Variants in SEC31A observed in about 807,000 individuals in gnomAD.
The protein encoded by SEC31A is protein transport protein Sec31A.
SEC31A carries 70 observed loss-of-function variants against 151.0 expected under a neutral mutation model. That is an observed-to-expected ratio of 0.46 (90% CI 0.38 to 0.57). The LOEUF is 0.57. Among genes scored for constraint, SEC31A ranks in the 20% least tolerant of loss-of-function variants. The pLI is 0.00. For synonymous variants in SEC31A, 475 were observed against 505.9 expected (o/e 0.94, Z 0.82); for missense variants, 1,330 against 1,471.2 (o/e 0.90, Z 1.57).
chr4:82,851,626 C>CA (rs898871895), intron 18 of SEC31A, 22 bp from the exon 19 acceptor site: 2 of 1,591,786 alleles, frequency 1.3e-6, no homozygotes, highest in Non-Finnish European at 1.7e-6. Flanking sequence ...AAATGAGTAA[C>CA]AAACAGAAAT....
chr4:82,839,314 C>A (rs562482896), intron 22 of SEC31A, among the ~76,000 whole-genome samples: 1 of 152,220 alleles, frequency 6.6e-6, no homozygotes, highest in Non-Finnish European at 1.5e-5. Flanking sequence ...CCACGCCTGG[C>A]TAATTTTTGT....
intron 20 of SEC31A, among the ~76,000 whole-genome samples, chr4:82,846,374 T>C (rs1452657146): frequency 6.8e-6 from 1 of 146,980 alleles, no homozygotes; most frequent in Non-Finnish European, 1.5e-5. Context: ...AACATAATAA[T>C]AATAATAATA....
chr4:82,831,686 A>G (rs537698254), intron 22 of SEC31A, among the ~76,000 whole-genome samples: 45 of 152,362 alleles, frequency 3.0e-4, no homozygotes, highest in African/African-American at 9.6e-4. Flanking sequence ...TGTACCCTGC[A>G]GAAACTGTAA....
Position 82,825,071 on chromosome 4 carries a change from C to T in SEC31A, c.3292-397G>A, listed in dbSNP as rs1724236295. ...GCCTATTGGCTCATTTACGTGTATG[C>T]TGGCATTCTTCTATTCTTTGTTTTA... is the stretch of plus-strand genomic sequence containing the variant. On this transcript the variant is annotated intron_variant, in intron 24 of 26. Coordinates refer to ENST00000395310, the MANE Select transcript of SEC31A (RefSeq NM_001077207.4). 2.6e-5 allele frequency among the ~76,000 whole-genome samples: 4 copies of T among 152,188 alleles called. No individual in the cohort carries two copies. In the South Asian group the frequency reaches 8.3e-4, roughly 31 times the overall value.
intron 11 of SEC31A, 76 bp downstream of exon 11, chr4:82,864,286 A>G: frequency 1.0e-6 from 1 of 989,748 alleles, no homozygotes; most frequent in South Asian, 1.5e-5. Flanking sequence ...CTTTAATAGG[A>G]GGACAGATTT....
chr4:82,824,447 C>T (rs1441001767), intron 25 of SEC31A, 108 bp downstream of exon 25: 1 of 1,157,388 alleles, frequency 8.6e-7, no homozygotes, highest in African/African-American at 1.6e-5. Flanking sequence ...TCAAATGATC[C>T]ACCTACCTCG....
In SEC31A at chr4:82,861,677, C is replaced by A; in HGVS notation, c.1580G>T (p.Ser527Ile). The A allele has an allele frequency of 6.2e-7, 1 of 1,611,728 alleles. No homozygotes were observed. The highest frequency in any genetic ancestry group is 8.5e-7 in the Non-Finnish European group (1 of 1,178,404). ...AGCAGCAGGGCTCTCCTCCCCATCACTCTGTGCTACTTGGTCAGAGTCTTT... is the reference window on the plus strand; with the variant it reads ...AGCAGCAGGGCTCTCCTCCCCATCAATCTGTGCTACTTGGTCAGAGTCTTT... ...ALKDSDQVAQ[S>I]DGEESPAAEE... The change falls in exon 14 of 27, where the codon AGT becomes ATT. Residue 527 changes from serine (S) to isoleucine (I), a missense_variant. Physicochemically the swap from Ser to Ile is moderately radical, Grantham distance 142. Coordinates refer to ENST00000395310, the MANE Select transcript of SEC31A (RefSeq NM_001077207.4).
chr4:82,885,821 G>A (rs935567615), intron 1 of SEC31A, among the ~76,000 whole-genome samples: 9 of 151,982 alleles, frequency 5.9e-5, no homozygotes, highest in Non-Finnish European at 1.3e-4. Context: ...TCCAGTCTCA[G>A]TCCTGCAGTT....
intron 6 of SEC31A, 27 bp from the exon 7 acceptor site, chr4:82,872,113 A>T: frequency 6.4e-7 from 1 of 1,568,712 alleles, no homozygotes; most frequent in Non-Finnish European, 8.8e-7. Flanking sequence ...TTCACATTTT[A>T]TGAATCAAAT....
intron 7 of SEC31A, chr4:82,871,324 A>G: frequency 1.3e-6 from 2 of 1,501,714 alleles, no homozygotes; most frequent in Non-Finnish European, 1.8e-6. Context: ...ACACACACAC[A>G]CACACACACA....
chr4:82,881,343 T>C (rs1226372521), intron 2 of SEC31A, among the ~76,000 whole-genome samples: 1 of 151,988 alleles, frequency 6.6e-6, no homozygotes, highest in African/African-American at 2.4e-5. Context: ...TGGACGCCTG[T>C]AGTCCCAGCT....
chr4:82,821,756 G>A (rs1723415013), intron 25 of SEC31A, among the ~76,000 whole-genome samples: 1 of 152,040 alleles, frequency 6.6e-6, no homozygotes, highest in African/African-American at 2.4e-5. Context: ...ATATTCACAA[G>A]CATCAGGAGG....
At chr4:82,847,340 AC>A (rs1239367655) in intron 20 of SEC31A, among the ~76,000 whole-genome samples, 1 of 152,216 alleles carries the variant, frequency 6.6e-6, no homozygotes, top group Non-Finnish European at 1.5e-5. Flanking sequence ...TTCATTCAGT[AC>A]ATCTTAAGCT....
chr4:82,856,051 C>A (rs4693057), intron 16 of SEC31A, among the ~76,000 whole-genome samples: 68,159 of 151,916 alleles, frequency 0.45, 18,065 homozygotes, highest in Admixed American at 0.59. Context: ...TATAAACAAG[C>A]GTGTTTATTT....
upstream of SEC31A, among the ~76,000 whole-genome samples, chr4:82,891,457 G>T (rs1370099618): frequency 6.6e-6 from 1 of 152,244 alleles, no homozygotes; most frequent in Non-Finnish European, 1.5e-5. Context: ...CTAGTGCAGA[G>T]GGTGTCCCCG....
rs774831592 is a variant in SEC31A at position 82,827,500 on chromosome 4, G to C, written c.3160C>G (p.Gln1054Glu). ...GGCTGGCCACCTGGAAGATGTGGCT[G>C]TGGGAATGAAGACTGGCTTGACAGT... ...VPLSSQSSFP[Q>E]PHLPGGQPFH... The change falls in exon 24 of 27, where the codon CAG becomes GAG. Residue 1054 changes from glutamine (Q) to glutamate (E), a missense_variant. Coordinates refer to ENST00000395310, the MANE Select transcript of SEC31A (RefSeq NM_001077207.4). The C allele has an allele frequency of 6.2e-7, 1 of 1,614,240 alleles. No individual in the cohort carries two copies. The highest frequency in any genetic ancestry group is 8.5e-7 in the Non-Finnish European group (1 of 1,180,036).
chr4:82,858,341 C>T (rs35180881), intron 14 of SEC31A, among the ~76,000 whole-genome samples: 41,271 of 151,028 alleles, frequency 0.27, 6,676 homozygotes, highest in East Asian at 0.49. Flanking sequence ...GTCGGGAGAT[C>T]GAGACCATCC....
In SEC31A at chr4:82,819,278, A is replaced by G. The variant is rs960056308; in HGVS notation, c.3484-25T>C. 3 of 1,529,950 alleles carry G rather than the reference A, an allele frequency of 2.0e-6. No homozygotes were observed. In the East Asian group the frequency reaches 7.1e-5, roughly 36 times the overall value. 94.8% of individuals were successfully genotyped at this position (1,529,950 alleles called of 1,614,324 possible). On this transcript the variant is annotated intron_variant, in intron 26 of 26. Coordinates refer to ENST00000395310, the MANE Select transcript of SEC31A (RefSeq NM_001077207.4). ...GCTGAAACAAAAGTGAACCAAGAGA[A>G]AGAATTAAATTAAGGGATAACTTCC...
chr4:82,841,683 CAA>C, intron 22 of SEC31A, among the ~76,000 whole-genome samples: 1 of 149,596 alleles, frequency 6.7e-6, no homozygotes, highest in Middle Eastern at 3.4e-3. Flanking sequence ...AACAAAAACT[CAA>C]TCAAGGCCAG....
Sources: allele counts gnomAD v4.1 joint callset (sites outside exome capture counted in the v4.1 genomes callset), GRCh38; gene constraint gnomAD v4.1.1; transcripts MANE v1.5; gene names NCBI Gene and HGNC (gene_info 2026-07-23, HGNC 2026-07-21).